TRIOBP: variants seen among roughly 807,000 people sequenced by gnomAD.
TRIOBP encodes TRIO and F-actin binding protein.
TRIOBP carries 169 observed loss-of-function variants against 238.8 expected under a neutral mutation model. That is an observed-to-expected ratio of 0.71 (90% CI 0.62 to 0.80). The LOEUF is 0.80. TRIOBP is among the 30% of genes least tolerant of loss of function. TRIOBP has a pLI of 0.00. For synonymous variants in TRIOBP, 1,150 were observed against 1,274.4 expected, an observed-to-expected ratio of 0.90 and a Z score of 2.08; for missense variants, 2,838 against 3,122.6, an observed-to-expected ratio of 0.91 and a Z score of 2.17.
chr22:37,742,543 G>A (rs968415767), intron 11 of TRIOBP, among the ~76,000 whole-genome samples: 4 of 152,176 alleles, frequency 2.6e-5, no homozygotes, highest in African/African-American at 7.2e-5. Context: ...GATTACAGGC[G>A]TGAGTCACCC....
intron 15 of TRIOBP, among the ~76,000 whole-genome samples, chr22:37,756,548 G>C (rs560791090): frequency 6.6e-6 from 1 of 152,328 alleles, no homozygotes; most frequent in Admixed American, 6.5e-5. Context: ...CTGTTATTTA[G>C]CATCTAGGCC....
At chr22:37,706,689 G>A (rs1922956666) in intron 3 of TRIOBP, among the ~76,000 whole-genome samples, 1 of 151,746 alleles carries the variant, frequency 6.6e-6, no homozygotes, top group South Asian at 2.1e-4. Context: ...TTGGGAGGCT[G>A]AGGCAGGAGG....
intron 11 of TRIOBP, chr22:37,750,993 G>A (rs1427336950): frequency 3.2e-5 from 12 of 373,562 alleles, no homozygotes; most frequent in East Asian, 7.4e-5. Flanking sequence ...CAGAGGGACC[G>A]GGACTTAGAT....
intron 3 of TRIOBP, among the ~76,000 whole-genome samples, chr22:37,708,803 C>G (rs933115290): frequency 6.6e-6 from 1 of 152,202 alleles, no homozygotes; most frequent in Admixed American, 6.5e-5. Flanking sequence ...CGAGGTCCAT[C>G]TGAGGCCAGA....
intron 7 of TRIOBP, among the ~76,000 whole-genome samples, chr22:37,727,779 G>A (rs1924244220): frequency 6.6e-6 from 1 of 152,204 alleles, no homozygotes; most frequent in African/African-American, 2.4e-5. Context: ...TGAAGTCCAG[G>A]TGTCTTTTGA....
chr22:37,773,274 A>G (rs1926876458), intron 23 of TRIOBP, among the ~76,000 whole-genome samples: 1 of 152,126 alleles, frequency 6.6e-6, no homozygotes, highest in Non-Finnish European at 1.5e-5. Context: ...GCTGGAGTGC[A>G]GTGGTGCAAT....
In TRIOBP at chr22:37,723,218, A is replaced by C; in HGVS notation, c.662A>C (p.His221Pro). The change falls in exon 7 of 24, where the codon CAC becomes CCC. Residue 221 changes from histidine (H) to proline (P), a missense_variant. Coordinates refer to ENST00000644935, the MANE Select transcript of TRIOBP (RefSeq NM_001039141.3). ...GGTGGGGGCCGGAGCGCAGGACAGC[A>C]CTGGGCAAGGCTCCGGGGAGAAAGC... is the stretch of plus-strand genomic sequence containing the variant. Reference protein sequence around the residue: ...TGGGGRSAGQHWARLRGESGL... With the variant: ...TGGGGRSAGQPWARLRGESGL... 1 of 1,613,912 alleles carries C rather than the reference A, an allele frequency of 6.2e-7. No individual in the cohort carries two copies. Among genetic ancestry groups the C allele is most frequent in the Non-Finnish European group, 8.5e-7 (1 of 1,179,896 alleles).
At chr22:37,712,315 C>T (rs1923291488) in intron 4 of TRIOBP, among the ~76,000 whole-genome samples, 2 of 151,644 alleles carry the variant, frequency 1.3e-5, no homozygotes, top group South Asian at 2.1e-4. Flanking sequence ...ACCACCACAC[C>T]CGACTAATTT....
chr22:37,701,177 G>T (rs116432556), intron 2 of TRIOBP, 129 bp from the exon 3 acceptor site: 27 of 581,806 alleles, frequency 4.6e-5, no homozygotes, highest in Non-Finnish European at 8.2e-5. Context: ...TGGAGAACAG[G>T]AACCCAAAGG....
intron 11 of TRIOBP, among the ~76,000 whole-genome samples, chr22:37,744,754 T>C (rs1925133059): frequency 6.6e-6 from 1 of 152,188 alleles, no homozygotes; most frequent in Admixed American, 6.5e-5. Flanking sequence ...GGACTTAACC[T>C]TGGCCTCATT....
At chr22:37,764,670 C>G (rs929215026) in intron 17 of TRIOBP, among the ~76,000 whole-genome samples, 6 of 152,178 alleles carry the variant, frequency 3.9e-5, no homozygotes, top group Admixed American at 6.5e-5. Flanking sequence ...CCGGACCACC[C>G]CCAACACACA....
chr22:37,741,793 A>G (rs1569049445), intron 11 of TRIOBP, among the ~76,000 whole-genome samples: 1 of 152,188 alleles, frequency 6.6e-6, no homozygotes, highest in African/African-American at 2.4e-5. Context: ...TTCTCAGATG[A>G]GAGAAGGGTT....
At chr22:37,746,215 GAAAA>G (rs58335859) in intron 11 of TRIOBP, 116 of 969,440 alleles carry the variant, frequency 1.2e-4, no homozygotes, top group Admixed American at 6.7e-4. Flanking sequence ...CAGGAAGTTT[GAAAA>G]AAAAAAAAAA....
rs974216074 is a variant in TRIOBP at position 37,766,321 on chromosome 22, G to T, written c.6472+504G>T. Among the ~76,000 whole-genome samples, 4 of 151,980 alleles carry T rather than the reference G, an allele frequency of 2.6e-5. No homozygotes were observed. In the East Asian group the frequency reaches 7.7e-4, roughly 29 times the overall value. ...GACAATTCCCTCCCCTCCTGCCACC[G>T]CACACCTGCTGTGTGCCTGGCACAT... On this transcript the variant is annotated intron_variant, in intron 18 of 23. Transcript: ENST00000644935.
Position 37,765,214 on chromosome 22 carries a change from A to G in TRIOBP, c.6325-456A>G, listed in dbSNP as rs576333500. 1.1e-4 allele frequency among the ~76,000 whole-genome samples: 17 copies of G among 152,294 alleles called. 1 individual carries two copies. Among genetic ancestry groups the G allele is most frequent in the African/African-American group, 3.9e-4 (16 of 41,550 alleles). On this transcript the variant is annotated intron_variant, in intron 17 of 23. Transcript: ENST00000644935. ...AAGAATCACTTGAACCCAGAGGTGGAGGTTGCAGTGAGCTGAGATTGCTCC... is the reference window on the plus strand; with the variant it reads ...AAGAATCACTTGAACCCAGAGGTGGGGGTTGCAGTGAGCTGAGATTGCTCC...
intron 19 of TRIOBP, among the ~76,000 whole-genome samples, 173 bp downstream of exon 19, chr22:37,768,349 C>G (rs1272193471): frequency 2.0e-5 from 3 of 152,208 alleles, no homozygotes; most frequent in African/African-American, 7.2e-5. Flanking sequence ...CATGCCAGTC[C>G]TCACAGACAG....
Position 37,735,062 on chromosome 22 carries a change from C to A in TRIOBP, c.4726C>A (p.Arg1576Ser), listed in dbSNP as rs200113910. The A allele has an allele frequency of 3.1e-6, 5 of 1,606,832 alleles. No homozygotes were observed. The highest frequency in any genetic ancestry group is 1.3e-5 in the African/African-American group (1 of 74,906). Residue 1576 changes from arginine (R) to serine (S), a missense_variant, in exon 9 of 24, where the codon CGT becomes AGT. Transcript: ENST00000644935. ...GGCACCAGGAGAGGGGGTCTGGGCC[C>A]GTGTCCCCAGCCTGGACTGGGAGGG... is the stretch of plus-strand genomic sequence containing the variant. ...LRAPGEGVWARVPSLDWEGLL... is the reference protein window; with the variant it reads ...LRAPGEGVWASVPSLDWEGLL...
chr22:37,730,254 G>A (rs1416117430), intron 7 of TRIOBP, among the ~76,000 whole-genome samples: 2 of 152,072 alleles, frequency 1.3e-5, no homozygotes, highest in African/African-American at 2.4e-5. Context: ...ATCAACCCTC[G>A]GGAACAGGTG....
At chr22:37,758,266 T>C (rs1048722202) in intron 16 of TRIOBP, 128 bp downstream of exon 16, 1 of 1,210,474 alleles carries the variant, frequency 8.3e-7, no homozygotes, top group Non-Finnish European at 1.2e-6. Flanking sequence ...CTGCTGTGAG[T>C]GTGCACCCCA....
Sources: gnomAD v4.1 joint callset for allele counts (sites outside exome capture counted in the v4.1 genomes callset) on GRCh38, gnomAD v4.1.1 for gene constraint, MANE v1.5 for transcripts, NCBI Gene and HGNC (gene_info 2026-07-23, HGNC 2026-07-21) for gene names.